OPCML: variants seen among roughly 807,000 people sequenced by gnomAD.
The protein encoded by OPCML is opioid-binding protein/cell adhesion molecule.
OPCML carries 13 observed loss-of-function variants against 37.8 expected under a neutral mutation model. That is an observed-to-expected ratio of 0.34 (90% CI 0.22 to 0.55). The LOEUF is 0.55. OPCML is among the 20% of genes least tolerant of loss of function. The pLI is 0.91. For synonymous variants in OPCML, 176 were observed against 168.8 expected, an observed-to-expected ratio of 1.04 and a Z score of -0.33; for missense variants, 341 against 435.6, an observed-to-expected ratio of 0.78 and a Z score of 1.93.
At chr11:133,223,811 C>T (rs1040746475) in intron 1 of OPCML, among the ~76,000 whole-genome samples, 1 of 152,172 alleles carries the variant, frequency 6.6e-6, no homozygotes, top group Non-Finnish European at 1.5e-5. Flanking sequence ...CTGTGAAGCC[C>T]GCTCTTGCCA....
At chr11:132,690,710 C>G (rs1943367169) in intron 2 of OPCML, among the ~76,000 whole-genome samples, 1 of 152,108 alleles carries the variant, frequency 6.6e-6, no homozygotes, top group African/African-American at 2.4e-5. Flanking sequence ...ACAGGCATAG[C>G]AGTAGATTCT....
chr11:132,668,519 T>C (rs543629139), intron 2 of OPCML, among the ~76,000 whole-genome samples: 33 of 152,278 alleles, frequency 2.2e-4, no homozygotes, highest in Non-Finnish European at 3.2e-4. Flanking sequence ...AAGAAAGTGA[T>C]GCGTGTTGAG....
intron 1 of OPCML, chr11:133,065,055 C>T (rs767642363): frequency 6.6e-6 from 1 of 152,192 alleles, no homozygotes; most frequent in East Asian, 1.9e-4. Flanking sequence ...TGGCCTCACC[C>T]GGAGGAAAGC....
chr11:133,183,297 A>C (rs552400757), intron 1 of OPCML, among the ~76,000 whole-genome samples: 1 of 152,228 alleles, frequency 6.6e-6, no homozygotes, highest in African/African-American at 2.4e-5. Context: ...ACAGAGAAAA[A>C]CCCTTCATCT....
intron 1 of OPCML, among the ~76,000 whole-genome samples, chr11:133,162,830 C>T (rs1053932699): frequency 2.0e-5 from 3 of 152,152 alleles, no homozygotes; most frequent in African/African-American, 7.2e-5. Context: ...CACCAGTATG[C>T]CTACTGAAAA....
At chr11:132,770,549 G>A (rs1216553005) in intron 2 of OPCML, among the ~76,000 whole-genome samples, 1 of 152,094 alleles carries the variant, frequency 6.6e-6, no homozygotes, top group Non-Finnish European at 1.5e-5. Flanking sequence ...CCTTTCATGG[G>A]AGAACTAATT....
In OPCML at chr11:132,457,969, G is replaced by A. The variant is rs946328592; in HGVS notation, c.506-20610C>T. Among the ~76,000 whole-genome samples the A allele has an allele frequency of 4.6e-5, 7 of 152,332 alleles. No individual in the cohort carries two copies. In the East Asian group the frequency reaches 1.2e-3, roughly 25 times the overall value. The stretch of plus-strand genomic sequence containing the variant: ...AAGAGCTTAGATTCCAGAGAGGAGA[G>A]CCAGTCAACAAACCAATAACATGGA... On this transcript the variant is annotated intron_variant, in intron 4 of 7. Transcript: ENST00000524381.
At chr11:132,598,782 TC>T (rs759422573) in intron 3 of OPCML, among the ~76,000 whole-genome samples, 38 of 152,326 alleles carry the variant, frequency 2.5e-4, no homozygotes, top group Admixed American at 1.8e-3. Flanking sequence ...CTCCCATGGT[TC>T]GGTCAATATT....
intron 1 of OPCML, among the ~76,000 whole-genome samples, chr11:133,182,627 G>T (rs369144853): frequency 5.3e-4 from 81 of 152,320 alleles, no homozygotes; most frequent in African/African-American, 1.9e-3. Flanking sequence ...ACCTCCCAGG[G>T]TTGCCAACAG....
At chr11:133,113,014 C>T (rs2137097350) in intron 1 of OPCML, among the ~76,000 whole-genome samples, 1 of 152,318 alleles carries the variant, frequency 6.6e-6, no homozygotes, top group South Asian at 2.1e-4. Flanking sequence ...TCTGCAATTA[C>T]AGAATATATA....
intron 4 of OPCML, among the ~76,000 whole-genome samples, chr11:132,523,938 C>T (rs1278740590): frequency 6.6e-6 from 1 of 152,218 alleles, no homozygotes; most frequent in Non-Finnish European, 1.5e-5. Flanking sequence ...CCATGAGCAA[C>T]TCATAGGTGA....
At chr11:132,859,449 C>T (rs546888032) in intron 2 of OPCML, 2 of 152,336 alleles carry the variant, frequency 1.3e-5, no homozygotes, top group Admixed American at 6.5e-5. Context: ...TCCCAAACAA[C>T]ATACAGCTGT....
At chr11:132,742,762 G>A (rs1171134246) in intron 2 of OPCML, among the ~76,000 whole-genome samples, 3 of 147,794 alleles carry the variant, frequency 2.0e-5, no homozygotes, top group Non-Finnish European at 4.5e-5. Context: ...ATACTTATAC[G>A]TTATATATAA....
At chr11:132,613,292 T>G (rs1422652712) in intron 3 of OPCML, among the ~76,000 whole-genome samples, 1 of 152,230 alleles carries the variant, frequency 6.6e-6, no homozygotes, top group Non-Finnish European at 1.5e-5. Flanking sequence ...ACAGGATACA[T>G]GCCCTTTTAC....
intron 1 of OPCML, among the ~76,000 whole-genome samples, chr11:133,479,160 G>A (rs1947318561): frequency 6.6e-6 from 1 of 152,200 alleles, no homozygotes; most frequent in Admixed American, 6.5e-5. Flanking sequence ...TGAGCTGCCT[G>A]CAGCTGAACC....
intron 3 of OPCML, among the ~76,000 whole-genome samples, chr11:132,554,079 C>T (rs898909283): frequency 1.3e-5 from 2 of 152,130 alleles, no homozygotes; most frequent in Non-Finnish European, 2.9e-5. Flanking sequence ...CTGGGGCCTG[C>T]AGAAGTTAGA....
chr11:132,486,457 T>C (rs1333547426), intron 4 of OPCML, among the ~76,000 whole-genome samples: 1 of 152,082 alleles, frequency 6.6e-6, no homozygotes, highest in African/African-American at 2.4e-5. Flanking sequence ...TTTTAAACCA[T>C]ACTTTTATAA....
intron 4 of OPCML, 136 bp from the exon 5 acceptor site, chr11:132,437,495 T>C (rs2096017222): frequency 2.7e-6 from 4 of 1,474,416 alleles, no homozygotes; most frequent in Non-Finnish European, 3.6e-6. Context: ...GTCAAAGACA[T>C]AGGGCATCAT....
In OPCML at chr11:133,004,852, C is replaced by A. The variant is rs1947075945; in HGVS notation, c.62-61842G>T. 6 of 985,302 alleles carry A rather than the reference C, an allele frequency of 6.1e-6. No homozygotes were observed. The South Asian group carries it at 2.8e-4, about 46-fold the overall frequency. The allele number at this position is 985,302 out of a possible 1,614,324, so 61.0% of individuals were successfully genotyped here. On this transcript the variant is annotated intron_variant, in intron 1 of 7. Transcript: ENST00000524381. The stretch of plus-strand genomic sequence containing the variant: ...CGGGAGTCAGTTCAAACACCATCCC[C>A]AAGACAGAAATCAACGAGCTGTGGT...
Sources: allele counts gnomAD v4.1 joint callset (sites outside exome capture counted in the v4.1 genomes callset), GRCh38; gene constraint gnomAD v4.1.1; transcripts MANE v1.5; gene names NCBI Gene and HGNC (gene_info 2026-07-23, HGNC 2026-07-21).